Variants in AGBL1 observed in about 807,000 individuals in gnomAD.
AGBL1 encodes the protein AGBL carboxypeptidase 1.
AGBL1 carries 130 observed loss-of-function variants against 118.9 expected under a neutral mutation model. That is an observed-to-expected ratio of 1.09 (90% CI 0.95 to 1.26). The LOEUF (loss-of-function observed/expected upper bound fraction) is 1.26, where lower values mean the gene tolerates loss of function less well. Ranked by LOEUF, AGBL1 falls within the 50% of genes most tolerant of loss-of-function variation. The pLI is 0.00. For missense variants in AGBL1, 1,584 were observed against 1,298.1 expected (o/e 1.22, Z -3.38); for synonymous variants, 555 against 478.9 (o/e 1.16, Z -2.08).
intron 22 of AGBL1, among the ~76,000 whole-genome samples, chr15:86,748,791 G>C (rs1348347826): frequency 4.6e-5 from 7 of 151,750 alleles, no homozygotes; most frequent in African/African-American, 1.4e-4. Context: ...TCTTGTTTTT[G>C]TCAGGTATGT....
At chr15:86,439,561 A>G (rs1370822139) in intron 18 of AGBL1, among the ~76,000 whole-genome samples, 1 of 152,258 alleles carries the variant, frequency 6.6e-6, no homozygotes, top group Non-Finnish European at 1.5e-5. Flanking sequence ...AAAGGAATGC[A>G]TAAATGAATA....
chr15:86,770,502 A>G (rs981216417), intron 22 of AGBL1, among the ~76,000 whole-genome samples: 11 of 152,004 alleles, frequency 7.2e-5, no homozygotes, highest in Admixed American at 2.0e-4. Context: ...CAGTAGTGCT[A>G]AGATTTAGAA....
At chr15:86,763,189 A>G (rs754060716) in intron 22 of AGBL1, among the ~76,000 whole-genome samples, 1 of 152,040 alleles carries the variant, frequency 6.6e-6, no homozygotes, top group Non-Finnish European at 1.5e-5. Context: ...TAACAATAAT[A>G]CTATAGATAT....
chr15:86,335,425 A>G lies in AGBL1; in HGVS notation c.2374+40017A>G, dbSNP rs1261058869. Among the ~76,000 whole-genome samples the G allele has an allele frequency of 2.6e-5, 4 of 152,302 alleles. No individual in the cohort carries two copies. The East Asian group carries it at 7.7e-4, about 29-fold the overall frequency. ...AGTGCTGGGATTACAGGTGTGACCC[A>G]CCATGCCTGGCCTAGATTGAGAAGT... On this transcript the variant is annotated intron_variant, in intron 17 of 22. Coordinates refer to ENST00000614907, the MANE Select transcript of AGBL1 (RefSeq NM_001386094.1).
intron 22 of AGBL1, among the ~76,000 whole-genome samples, chr15:86,680,344 GT>G (rs1254701687): frequency 2.6e-5 from 4 of 152,000 alleles, no homozygotes; most frequent in Admixed American, 2.0e-4. Flanking sequence ...AATCAATGGA[GT>G]TTTTTGCATA....
At chr15:86,221,156 C>A (rs571662604) in intron 5 of AGBL1, among the ~76,000 whole-genome samples, 1 of 152,110 alleles carries the variant, frequency 6.6e-6, no homozygotes, top group Admixed American at 6.5e-5. Flanking sequence ...TGAGATTGTA[C>A]AACTACACTC....
intron 18 of AGBL1, among the ~76,000 whole-genome samples, chr15:86,520,152 A>G (rs919351156): frequency 2.0e-5 from 3 of 152,200 alleles, no homozygotes; most frequent in Non-Finnish European, 4.4e-5. Context: ...GAGGTAAGGA[A>G]CCAATGAATG....
intron 22 of AGBL1, among the ~76,000 whole-genome samples, chr15:86,837,986 G>A (rs553498297): frequency 2.4e-4 from 36 of 152,104 alleles, no homozygotes; most frequent in Middle Eastern, 3.4e-3. Context: ...ATGATGAATC[G>A]TTTCCTCCAT....
intron 22 of AGBL1, among the ~76,000 whole-genome samples, chr15:86,790,370 A>G (rs1256317047): frequency 6.6e-6 from 1 of 150,518 alleles, no homozygotes; most frequent in Non-Finnish European, 1.5e-5. Context: ...ACACACACGC[A>G]TGCACGCACG....
chr15:86,552,478 T>C (rs2083677399), intron 20 of AGBL1, among the ~76,000 whole-genome samples: 1 of 152,218 alleles, frequency 6.6e-6, no homozygotes, highest in African/African-American at 2.4e-5. Flanking sequence ...ATCACTTTAG[T>C]TGCAGGATAT....
intron 1 of AGBL1, among the ~76,000 whole-genome samples, chr15:86,105,637 T>C (rs1046607586): frequency 5.9e-5 from 9 of 152,220 alleles, no homozygotes; most frequent in Non-Finnish European, 1.2e-4. Flanking sequence ...AGGCCTTTAC[T>C]CAGCCCTTTT....
rs993789371 is a variant in AGBL1, at chr15:86,103,251, G to T, written c.51+23228G>T. The stretch of plus-strand genomic sequence containing the variant: ...CATCTGTGTTCTGTAGCATAACAGG[G>T]TGAATTATAGTAAAAAATAATTTAA... On this transcript the variant is annotated intron_variant, in intron 1 of 22. Transcript: ENST00000614907. Among the ~76,000 whole-genome samples the T allele has an allele frequency of 5.3e-5, 8 of 152,206 alleles. No individual in the cohort carries two copies. The South Asian group carries it at 8.3e-4, about 16-fold the overall frequency.
At chr15:86,306,259 T>A (rs1199196001) in intron 17 of AGBL1, among the ~76,000 whole-genome samples, 1 of 152,062 alleles carries the variant, frequency 6.6e-6, no homozygotes, top group East Asian at 1.9e-4. Context: ...TAGGTCTTAG[T>A]CATTCTATTT....
At chr15:86,739,443 C>A (rs1315901470) in intron 22 of AGBL1, among the ~76,000 whole-genome samples, 215 of 66,540 alleles carry the variant, frequency 3.2e-3, no homozygotes, top group South Asian at 7.2e-3. Flanking sequence ...AACTCCATCT[C>A]AAAAAAAAAA....
Position 86,154,516 on chromosome 15 carries a change from A to G in AGBL1, c.349A>G (p.Asn117Asp). ...LARKNLSHGQ[N>D]LLHCLWALRV... Reference sequence around the variant, plus strand: ...CAGGAAGAACCTATCCCATGGCCAGAATCTCCTCCACTGTCTCTGGGCTCT... The same window carrying G: ...CAGGAAGAACCTATCCCATGGCCAGGATCTCCTCCACTGTCTCTGGGCTCT... The change falls in exon 4 of 23, where the codon AAT (asparagine) becomes GAT (aspartate). Residue 117 changes from asparagine to aspartate, a missense_variant. Transcript: ENST00000614907. 8 of 1,613,186 alleles carry G rather than the reference A, an allele frequency of 5.0e-6. No individual in the cohort carries two copies. Among genetic ancestry groups the G allele is most frequent in the Non-Finnish European group, 6.8e-6 (8 of 1,179,564 alleles).
At chr15:86,683,130 A>C (rs1466623456) in intron 22 of AGBL1, among the ~76,000 whole-genome samples, 1 of 152,136 alleles carries the variant, frequency 6.6e-6, no homozygotes, top group Admixed American at 6.6e-5. Flanking sequence ...AACACAAAAA[A>C]CTGACAGATG....
At chr15:86,947,006 C>A (rs1276491266) in intron 23 of AGBL1, among the ~76,000 whole-genome samples, 1 of 152,020 alleles carries the variant, frequency 6.6e-6, no homozygotes, top group East Asian at 1.9e-4. Flanking sequence ...TTCAAGGAAC[C>A]TTTTAAGGAT....
intron 17 of AGBL1, among the ~76,000 whole-genome samples, chr15:86,325,826 C>T (rs1056613966): frequency 3.3e-5 from 5 of 152,074 alleles, no homozygotes; most frequent in African/African-American, 4.8e-5. Flanking sequence ...AGTCTGTGCA[C>T]GTTGGGGGTG....
At chr15:86,368,022 GT>G (rs1375792668) in intron 17 of AGBL1, among the ~76,000 whole-genome samples, 1 of 152,094 alleles carries the variant, frequency 6.6e-6, no homozygotes, top group Non-Finnish European at 1.5e-5. Context: ...CTGGAGCTGG[GT>G]TTGGTTCCCC....
Sources: gnomAD v4.1 joint callset for allele counts (sites outside exome capture counted in the v4.1 genomes callset) on GRCh38, gnomAD v4.1.1 for gene constraint, MANE v1.5 for transcripts, NCBI Gene and HGNC (gene_info 2026-07-23, HGNC 2026-07-21) for gene names.